Variants in DIP2C observed in about 807,000 individuals in gnomAD.
The protein encoded by DIP2C is disco-interacting protein 2 homolog C.
Under a neutral mutation model 192.4 loss-of-function variants are expected in DIP2C, and 33 were observed. The observed-to-expected ratio is 0.17, with a 90% confidence interval of 0.13 to 0.23. The LOEUF is 0.23. DIP2C is among the 10% of genes least tolerant of loss of function. The pLI is 1.00. For synonymous variants in DIP2C, 979 were observed against 864.1 expected, an observed-to-expected ratio of 1.13 and a Z score of -2.33; for missense variants, 1,537 against 2,110.1, an observed-to-expected ratio of 0.73 and a Z score of 5.32.
intron 29 of DIP2C, among the ~76,000 whole-genome samples, chr10:332,991 C>T (rs1249299058): frequency 6.6e-6 from 1 of 152,244 alleles, no homozygotes; most frequent in African/African-American, 2.4e-5. Flanking sequence ...CAACCTCTGC[C>T]TCCTGGGTTC....
chr10:526,368 T>G (rs1423317223), intron 1 of DIP2C, among the ~76,000 whole-genome samples: 1 of 152,206 alleles, frequency 6.6e-6, no homozygotes, highest in Non-Finnish European at 1.5e-5. Flanking sequence ...TGCATTTATT[T>G]ATGTTAAATA....
At chr10:572,127 C>T (rs1030126996) in intron 1 of DIP2C, among the ~76,000 whole-genome samples, 7 of 152,224 alleles carry the variant, frequency 4.6e-5, no homozygotes, top group South Asian at 2.1e-4. Flanking sequence ...CTAGTGGTAA[C>T]AGGAGACTCC....
intron 32 of DIP2C, among the ~76,000 whole-genome samples, chr10:303,128 C>T (rs191642857): frequency 5.9e-5 from 9 of 152,332 alleles, no homozygotes; most frequent in East Asian, 1.9e-4. Context: ...AAACACTGTA[C>T]TCGTGAGCCA....
At position 276,533 on chromosome 10, in the gene DIP2C, CTT is replaced by C. The variant is rs201537542; in HGVS notation, c.*790_*791del. The C allele has an allele frequency of 6.0e-3, 911 of 152,674 alleles. 22 individuals carry two copies. The highest frequency in any genetic ancestry group is 3.3e-3 in the Non-Finnish European group (227 of 68,012). The allele number at this position is 152,674 out of a possible 1,614,324, so 9.5% of individuals were successfully genotyped here. The stretch of plus-strand genomic sequence containing the variant: ...TTTTATATTAGCAAACATTACAAGA[CTT>C]TAATATTCTTGAATGTTTTTCTCTT... On this transcript the variant is annotated 3_prime_UTR_variant, in exon 37 of 37. Coordinates refer to ENST00000280886, the MANE Select transcript of DIP2C (RefSeq NM_014974.3).
rs961287812 is a variant in DIP2C at position 348,759 on chromosome 10, A to G, written c.3113T>C (p.Ile1038Thr). 2 of 1,613,386 alleles carry G rather than the reference A, an allele frequency of 1.2e-6. No individual in the cohort carries two copies. The highest frequency in any genetic ancestry group is 2.2e-5 in the South Asian group (2 of 90,980). Residue 1038 changes from isoleucine to threonine, a missense_variant, in exon 26 of 37, where the codon ATA (isoleucine) becomes ACA (threonine). Physicochemically the swap from Ile to Thr is moderately conservative, Grantham distance 89. This residue lies in a region of DIP2C where 677 missense variants were observed against 989.9 expected (regional missense o/e 0.68). Transcript: ENST00000280886. ...DHVALVYPPG[I>T]DLIAAFYGCL... Reference sequence around the variant, plus strand: ...ACCATAAAACGCTGCTATCAGGTCTATTCCTACACAAGGAGAGAAACATCA... The same window carrying G: ...ACCATAAAACGCTGCTATCAGGTCTGTTCCTACACAAGGAGAGAAACATCA...
intron 1 of DIP2C, among the ~76,000 whole-genome samples, chr10:670,294 A>G (rs187314749): frequency 1.3e-5 from 2 of 151,896 alleles, no homozygotes; most frequent in African/African-American, 4.8e-5. Flanking sequence ...GTACACATGC[A>G]CACACATACG....
chr10:453,425 CAA>C (rs913853748), intron 3 of DIP2C, among the ~76,000 whole-genome samples: 12 of 152,192 alleles, frequency 7.9e-5, no homozygotes, highest in Non-Finnish European at 1.5e-4. Flanking sequence ...CATACAGTGT[CAA>C]AGACTCCAGC....
In DIP2C at chr10:413,427, C is replaced by T. The variant is rs148512550; in HGVS notation, c.1057+486G>A. Among the ~76,000 whole-genome samples, 914 of 152,320 alleles carry T rather than the reference C, an allele frequency of 6.0e-3. 3 individuals carry two copies. Among genetic ancestry groups the T allele is most frequent in the Middle Eastern group, 0.014 (4 of 292 alleles). Reference sequence around the variant, plus strand: ...ACTACCAATCTTTGCTGAAAGCATGCATTTCAATAAATCACACATGTATTT... The same window carrying T: ...ACTACCAATCTTTGCTGAAAGCATGTATTTCAATAAATCACACATGTATTT... On this transcript the variant is annotated intron_variant, in intron 8 of 36. Transcript: ENST00000280886.
At chr10:490,655 T>C (rs1318796072) in intron 1 of DIP2C, among the ~76,000 whole-genome samples, 2 of 152,312 alleles carry the variant, frequency 1.3e-5, no homozygotes, top group Non-Finnish European at 2.9e-5. Flanking sequence ...AAGGTACCCA[T>C]TTATTTAATT....
At chr10:521,968 C>G (rs775830676) in intron 1 of DIP2C, among the ~76,000 whole-genome samples, 4 of 151,982 alleles carry the variant, frequency 2.6e-5, no homozygotes, top group Non-Finnish European at 4.4e-5. Context: ...CACACGAGGT[C>G]TCAGCCTGCT....
chr10:379,661 G>A (rs1449581029), intron 17 of DIP2C, among the ~76,000 whole-genome samples: 1 of 152,244 alleles, frequency 6.6e-6, no homozygotes, highest in African/African-American at 2.4e-5. Context: ...ATATTCCAGA[G>A]AGGGCCAAAA....
At chr10:513,170 C>T (rs1474393611) in intron 1 of DIP2C, among the ~76,000 whole-genome samples, 1 of 121,784 alleles carries the variant, frequency 8.2e-6, no homozygotes, top group Non-Finnish European at 1.9e-5. Flanking sequence ...TGGCAGTTTT[C>T]CCTTCAGGTG....
intron 1 of DIP2C, among the ~76,000 whole-genome samples, chr10:659,302 T>C (rs1393229180): frequency 6.6e-5 from 10 of 152,324 alleles, no homozygotes; most frequent in African/African-American, 2.2e-4. Flanking sequence ...CATATACACA[T>C]GCATGCATCT....
rs1404773923 is a variant in DIP2C at position 648,267 on chromosome 10, AG to A, written c.85+41226del. On this transcript the variant is annotated intron_variant, in intron 1 of 36. Transcript: ENST00000280886. ...CACATTGGACGGTGGGCGAGAACAA[AG>A]GGAAACTGAGTCCACATCCACATTG... 3.0e-4 allele frequency among the ~76,000 whole-genome samples: 45 copies of A among 151,736 alleles called. 2 individuals carry two copies. The highest frequency in any genetic ancestry group is 1.1e-3 in the African/African-American group (44 of 41,272).
intron 1 of DIP2C, among the ~76,000 whole-genome samples, chr10:619,517 G>A (rs896077499): frequency 9.3e-6 from 1 of 107,036 alleles, no homozygotes; most frequent in South Asian, 2.7e-4. Context: ...TTTATGCCAG[G>A]GCCAGGACCA....
intron 1 of DIP2C, among the ~76,000 whole-genome samples, chr10:514,148 G>A (rs1846205278): frequency 6.6e-6 from 1 of 152,188 alleles, no homozygotes; most frequent in African/African-American, 2.4e-5. Flanking sequence ...CATTCGCCCT[G>A]CCAGCCGCAC....
chr10:321,414 C>T (rs1319301766), intron 31 of DIP2C, among the ~76,000 whole-genome samples: 1 of 152,188 alleles, frequency 6.6e-6, no homozygotes, highest in Non-Finnish European at 1.5e-5. Flanking sequence ...GGTGAGGCTC[C>T]CTCTCTCTTT....
chr10:386,667 C>T (rs1180932363), intron 14 of DIP2C, among the ~76,000 whole-genome samples: 4 of 152,198 alleles, frequency 2.6e-5, no homozygotes, highest in African/African-American at 4.8e-5. Context: ...AAATGCTTGC[C>T]GGCTCCTCTT....
intron 1 of DIP2C, among the ~76,000 whole-genome samples, chr10:676,419 A>G (rs1225470137): frequency 6.6e-6 from 1 of 152,054 alleles, no homozygotes; most frequent in African/African-American, 2.4e-5. Context: ...AAGAGCAATC[A>G]GGCAAGAGAA....
Sources: gnomAD v4.1 joint callset for allele counts (sites outside exome capture counted in the v4.1 genomes callset) on GRCh38, gnomAD v4.1.1 for gene constraint, gnomAD v4.1.1 regional missense constraint, MANE v1.5 for transcripts, NCBI Gene and HGNC (gene_info 2026-07-23, HGNC 2026-07-21) for gene names.